Variants in LDLRAD4 observed in about 807,000 individuals in gnomAD.
LDLRAD4 encodes the protein low-density lipoprotein receptor class A domain-containing protein 4.
Under a neutral mutation model 17.0 loss-of-function variants are expected in LDLRAD4, and 5 were observed. That is an observed-to-expected ratio of 0.29 (90% CI 0.15 to 0.62). The LOEUF is 0.62. Among genes scored for constraint, LDLRAD4 ranks in the 20% least tolerant of loss-of-function variants. The pLI is 0.84. For synonymous variants in LDLRAD4, 168 were observed against 171.8 expected (o/e 0.98, Z 0.17); for missense variants, 340 against 424.7 (o/e 0.80, Z 1.75).
chr18:13,232,403 G>A lies in LDLRAD4; in HGVS notation c.-467+13415G>A, dbSNP rs372740666. Among the ~76,000 whole-genome samples the A allele has an allele frequency of 8.7e-4, 132 of 152,276 alleles. 4 individuals carry two copies. In the South Asian group the frequency reaches 0.02, roughly 23 times the overall value. On this transcript the variant is annotated intron_variant, in intron 1 of 5. Transcript: ENST00000399848. The stretch of plus-strand genomic sequence containing the variant: ...GCTTCTGTCCTGGTACAGTTTGTTC[G>A]GCTGTGGATGCAAGTTGACTTCAGT...
intron 3 of LDLRAD4, among the ~76,000 whole-genome samples, chr18:13,535,630 GT>G (rs1273850322): frequency 4.6e-5 from 7 of 152,028 alleles, no homozygotes; most frequent in African/African-American, 1.7e-4. Flanking sequence ...TTTCTTAGCT[GT>G]TTTCAAAGAT....
intron 3 of LDLRAD4, among the ~76,000 whole-genome samples, chr18:13,550,492 C>CT: frequency 6.6e-6 from 1 of 152,290 alleles, no homozygotes; most frequent in Middle Eastern, 3.4e-3. Context: ...GCTCGAGGGG[C>CT]TAGAGGGTGT....
chr18:13,386,233 T>A (rs564835490), intron 1 of LDLRAD4, among the ~76,000 whole-genome samples: 79 of 152,378 alleles, frequency 5.2e-4, no homozygotes, highest in Middle Eastern at 3.4e-3. Flanking sequence ...TTTTCCTGAA[T>A]ATTGGAGACT....
intron 2 of LDLRAD4, among the ~76,000 whole-genome samples, chr18:13,396,545 G>A (rs1568096363): frequency 6.6e-6 from 1 of 152,164 alleles, no homozygotes; most frequent in African/African-American, 2.4e-5. Flanking sequence ...ATGCAGTGGC[G>A]CCATCGTAGC....
chr18:13,430,354 A>T (rs1021202271), intron 2 of LDLRAD4, among the ~76,000 whole-genome samples: 10 of 152,218 alleles, frequency 6.6e-5, no homozygotes, highest in Non-Finnish European at 1.5e-4. Flanking sequence ...CGAGAAGGTT[A>T]TGCGAGGTTA....
At chr18:13,329,354 T>C (rs974283540) in intron 1 of LDLRAD4, among the ~76,000 whole-genome samples, 1 of 152,184 alleles carries the variant, frequency 6.6e-6, no homozygotes, top group Non-Finnish European at 1.5e-5. Flanking sequence ...GTCAGCCTAC[T>C]AGGAAAAAAA....
intron 3 of LDLRAD4, among the ~76,000 whole-genome samples, chr18:13,546,760 C>A (rs541246372): frequency 6.6e-6 from 1 of 152,182 alleles, no homozygotes; most frequent in South Asian, 2.1e-4. Context: ...TCCCCACTTT[C>A]TCAGCTTAGA....
intron 2 of LDLRAD4, among the ~76,000 whole-genome samples, chr18:13,395,835 A>G (rs1028306060): frequency 2.6e-5 from 4 of 151,924 alleles, no homozygotes; most frequent in African/African-American, 4.8e-5. Context: ...GTGGGAATCA[A>G]TCTCCAGCAC....
intron 3 of LDLRAD4, among the ~76,000 whole-genome samples, chr18:13,584,689 G>A (rs570764167): frequency 6.6e-6 from 1 of 152,238 alleles, no homozygotes; most frequent in Non-Finnish European, 1.5e-5. Context: ...CTTAATCCTA[G>A]GGTAAATTTA....
At chr18:13,410,400 G>A (rs1246275686) in intron 2 of LDLRAD4, among the ~76,000 whole-genome samples, 4 of 152,230 alleles carry the variant, frequency 2.6e-5, no homozygotes, top group African/African-American at 9.6e-5. Flanking sequence ...GCTGTCAGAT[G>A]TAAACACTGG....
rs549990429 is a variant in LDLRAD4, at chr18:13,329,390, T to G, written c.-383+51202T>G. 2.6e-5 allele frequency among the ~76,000 whole-genome samples: 4 copies of G among 152,320 alleles called. No homozygotes were observed. In the South Asian group the frequency reaches 8.3e-4, roughly 32 times the overall value. On this transcript the variant is annotated intron_variant, in intron 1 of 5. Transcript: ENST00000359446. ...GTAATAGAGTTATTTTAATTTGCAT[T>G]TATTTTTATTATGAGTGAGGTTGTC...
At chr18:13,585,923 A>G (rs1325367372) in intron 3 of LDLRAD4, among the ~76,000 whole-genome samples, 1 of 152,218 alleles carries the variant, frequency 6.6e-6, no homozygotes, top group Non-Finnish European at 1.5e-5. Flanking sequence ...CTCTTAAATG[A>G]ACTTGTCCAT....
rs71174166 is a variant in LDLRAD4, at chr18:13,226,180, C to CTTTTTTTTTTTTTTTTTTTTTTTT, written c.-467+7213_-467+7214insTTTTTTTTTTTTTTTTTTTTTTTT. Among the ~76,000 whole-genome samples the CTTTTTTTTTTTTTTTTTTTTTTTT allele has an allele frequency of 6.9e-4, 36 of 52,208 alleles. 10 individuals are homozygous for CTTTTTTTTTTTTTTTTTTTTTTTT. The highest frequency in any genetic ancestry group is 7.8e-4 in the African/African-American group (10 of 12,850). 34.3% of individuals were successfully genotyped at this position (52,208 alleles called of 152,430 possible). On this transcript the variant is annotated intron_variant, in intron 1 of 5. Coordinates refer to the LDLRAD4 transcript ENST00000399848. ...GGACTACAGATGCTGCCATGCCTTG[C>CTTTTTTTTTTTTTTTTTTTTTTTT]TTTTTTTTTTTTTTTTTTTTTGTAG...
intron 1 of LDLRAD4, among the ~76,000 whole-genome samples, chr18:13,228,547 T>G (rs767911609): frequency 2.6e-5 from 4 of 152,174 alleles, no homozygotes; most frequent in Admixed American, 6.5e-5. Context: ...GTGCAGGACT[T>G]GAGGAAATGT....
Position 13,621,004 on chromosome 18 carries a change from C to T in LDLRAD4, c.182-113C>T. 3 of 1,446,028 alleles carry T rather than the reference C, an allele frequency of 2.1e-6. No individual in the cohort carries two copies. Among genetic ancestry groups the T allele is most frequent in the Non-Finnish European group, 2.9e-6 (3 of 1,041,914 alleles). 89.6% of individuals were successfully genotyped at this position (1,446,028 alleles called of 1,614,324 possible). ...CTGTGTCCTGCTGGCCTCTGAGGAA[C>T]AGACGTGTGTGAGAGGCCTTCAGGG... On this transcript the variant is annotated intron_variant, in intron 3 of 5. Coordinates refer to ENST00000359446, the Ensembl canonical transcript of LDLRAD4. This position sits in a 1 kb window ranked among gnomAD's most constrained non-coding sequence, Gnocchi z 5.5.
rs1389135805 is a variant in LDLRAD4, at chr18:13,367,137, C to T, written c.-382-20204C>T. ...GGTGTCACACAGAACAGTCCTGTTG[C>T]TGTCCACAGGGAAGTCCTGTGGCTG... On this transcript the variant is annotated intron_variant, in intron 1 of 5. Coordinates refer to ENST00000359446, the Ensembl canonical transcript of LDLRAD4. The surrounding 1 kb of genome is among the most constrained non-coding windows in gnomAD (Gnocchi z 4.1). Among the ~76,000 whole-genome samples the T allele has an allele frequency of 6.6e-6, 1 of 152,208 alleles. No homozygotes were observed. Among genetic ancestry groups the T allele is most frequent in the Non-Finnish European group, 1.5e-5 (1 of 68,040 alleles).
intron 3 of LDLRAD4, among the ~76,000 whole-genome samples, chr18:13,506,314 G>A (rs574035605): frequency 2.0e-4 from 31 of 151,624 alleles, no homozygotes; most frequent in South Asian, 4.2e-4. Context: ...TTGGTGTGCC[G>A]CACCCATTAA....
intron 3 of LDLRAD4, among the ~76,000 whole-genome samples, chr18:13,473,061 C>T (rs2092821898): frequency 6.6e-6 from 1 of 152,116 alleles, no homozygotes; most frequent in South Asian, 2.1e-4. Flanking sequence ...TGGGAATACA[C>T]TGAGAACCCC....
In LDLRAD4 at chr18:13,645,806, T is replaced by C; in HGVS notation, c.*149T>C. On this transcript the variant is annotated 3_prime_UTR_variant, in exon 6 of 6. Transcript: ENST00000359446. This position sits in a 1 kb window ranked among gnomAD's most constrained non-coding sequence, Gnocchi z 5.7. ...CACGGTCTTTGTTTCTGATTCCTTTTAGGGGAATTGCATGCAAACTAGACT... is the reference window on the plus strand; with the variant it reads ...CACGGTCTTTGTTTCTGATTCCTTTCAGGGGAATTGCATGCAAACTAGACT... 1 of 527,554 alleles carries C rather than the reference T, an allele frequency of 1.9e-6. No individual in the cohort carries two copies. The highest frequency in any genetic ancestry group is 3.1e-6 in the Non-Finnish European group (1 of 321,716). 32.7% of individuals were successfully genotyped at this position (527,554 alleles called of 1,614,324 possible).
Sources: allele counts gnomAD v4.1 joint callset (sites outside exome capture counted in the v4.1 genomes callset), GRCh38; gene constraint gnomAD v4.1.1; non-coding constraint Gnocchi (gnomAD v3.1); transcripts MANE v1.5; gene names NCBI Gene and HGNC (gene_info 2026-07-23, HGNC 2026-07-21).